The following APBB2 variants were observed in gnomAD, a reference collection of about 807,000 sequenced individuals.
APBB2 encodes Fe65-like 1.
In APBB2, 38 loss-of-function variants were observed where a neutral mutation model predicts 82.5. That is an observed-to-expected ratio of 0.46 (90% CI 0.36 to 0.60). The LOEUF (loss-of-function observed/expected upper bound fraction) is 0.60, where lower values mean the gene tolerates loss of function less well. Among genes scored for constraint, APBB2 ranks in the 20% least tolerant of loss-of-function variants. APBB2 has a pLI of 0.00. For missense variants in APBB2, 772 were observed against 972.3 expected (o/e 0.79, Z 2.74); for synonymous variants, 341 against 368.2 (o/e 0.93, Z 0.85).
At chr4:41,144,080 T>C (rs1210797206) in intron 1 of APBB2, among the ~76,000 whole-genome samples, 1 of 152,234 alleles carries the variant, frequency 6.6e-6, no homozygotes, top group Non-Finnish European at 1.5e-5. Flanking sequence ...GATTAAGAAG[T>C]CTTCATTTGT....
chr4:41,111,195 A>C (rs769903132), intron 2 of APBB2, among the ~76,000 whole-genome samples: 3 of 152,218 alleles, frequency 2.0e-5, no homozygotes, highest in Non-Finnish European at 2.9e-5. Flanking sequence ...GGAAATATAG[A>C]TTAAGCTTTC....
intron 12 of APBB2, among the ~76,000 whole-genome samples, chr4:40,869,340 G>A (rs1764830674): frequency 6.6e-6 from 1 of 152,156 alleles, no homozygotes; most frequent in Admixed American, 6.5e-5. Context: ...CCAGCACTTT[G>A]GGAGGCTGAG....
rs750388623 is a variant in APBB2, at chr4:41,028,772, T to C, written c.19+4464A>G. Among the ~76,000 whole-genome samples the C allele has an allele frequency of 4.7e-4, 72 of 152,348 alleles. 1 individual carries two copies. Among genetic ancestry groups the C allele is most frequent in the Admixed American group, 1.6e-3 (25 of 15,306 alleles). On this transcript the variant is annotated intron_variant, in intron 5 of 17. Transcript: ENST00000508593. ...TGGATAAGCCAGGATCACTCTAATT[T>C]CATGACTTGCCCAGCTTCTCTCGAT...
chr4:41,213,496 T>C (rs1030997560), intron 1 of APBB2, among the ~76,000 whole-genome samples: 5 of 152,232 alleles, frequency 3.3e-5, no homozygotes, highest in African/African-American at 4.8e-5. Context: ...ACTCCACATA[T>C]GATTTATCCA....
rs543618972 is a variant in APBB2 at position 41,134,477 on chromosome 4, G to GC, written c.-261+8509dup. Among the ~76,000 whole-genome samples the GC allele has an allele frequency of 9.2e-4, 140 of 152,122 alleles. 3 individuals carry two copies. The East Asian group carries it at 0.02, about 22-fold the overall frequency. The stretch of plus-strand genomic sequence containing the variant: ...CGGGTGCCTGTAGTCCCAGCCCCCA[G>GC]CCCCCCACAAATAAAGAAAATATAT... On this transcript the variant is annotated intron_variant, in intron 2 of 17. Transcript: ENST00000508593.
chr4:41,184,123 G>A (rs114193397), intron 1 of APBB2, among the ~76,000 whole-genome samples: 2,888 of 152,092 alleles, frequency 0.019, 84 homozygotes, highest in African/African-American at 0.067. Context: ...GAGAATCTAA[G>A]GCCACCACTG....
chr4:41,088,552 G>C (rs979825540), intron 3 of APBB2, among the ~76,000 whole-genome samples: 8 of 152,216 alleles, frequency 5.3e-5, no homozygotes, highest in African/African-American at 1.9e-4. Context: ...ATGGAAACTA[G>C]CAAGGAAAGA....
chr4:40,934,551 C>G, intron 9 of APBB2, 35 bp from the exon 10 acceptor site: 1 of 1,612,564 alleles, frequency 6.2e-7, no homozygotes, highest in East Asian at 2.2e-5. Flanking sequence ...ACTTAGAATT[C>G]TATTGCAAAC....
intron 2 of APBB2, among the ~76,000 whole-genome samples, chr4:41,111,113 G>A (rs562337430): frequency 1.3e-5 from 2 of 152,308 alleles, no homozygotes; most frequent in East Asian, 1.9e-4. Flanking sequence ...GTGCTCCTAT[G>A]AGAATCTAAT....
At chr4:40,868,595 T>C (rs1431391374) in intron 12 of APBB2, among the ~76,000 whole-genome samples, 1 of 152,184 alleles carries the variant, frequency 6.6e-6, no homozygotes, top group East Asian at 1.9e-4. Flanking sequence ...GCACTGATGA[T>C]AAATTAACTG....
At chr4:40,987,544 G>T (rs1458764329) in intron 6 of APBB2, among the ~76,000 whole-genome samples, 1 of 151,960 alleles carries the variant, frequency 6.6e-6, no homozygotes, top group Admixed American at 6.6e-5. Flanking sequence ...CAATCCAATG[G>T]CTAACTCTTT....
intron 12 of APBB2, among the ~76,000 whole-genome samples, chr4:40,884,694 T>G (rs1769697837): frequency 6.6e-6 from 1 of 151,330 alleles, no homozygotes; most frequent in African/African-American, 2.5e-5. Flanking sequence ...GCCCAGGAAT[T>G]TGGAGGCTGC....
rs1444718534 is a variant in APBB2 at position 41,000,059 on chromosome 4, ATATGTGTGTATG to A, written c.835+13512_835+13523del. Among the ~76,000 whole-genome samples, 17 of 92,968 alleles carry A rather than the reference ATATGTGTGTATG, an allele frequency of 1.8e-4. 1 individual carries two copies. Among genetic ancestry groups the A allele is most frequent in the East Asian group, 4.7e-4 (1 of 2,136 alleles). The allele number at this position is 92,968 out of a possible 152,430, so 61.0% of individuals were successfully genotyped here. ...TGTGTGTGTGTATGTATATGTATAT[ATATGTGTGTATG>A]TGTGTGTGTGTGTGTGTGTGTGTGT... On this transcript the variant is annotated intron_variant, in intron 6 of 17. Coordinates refer to ENST00000508593, the MANE Select transcript of APBB2 (RefSeq NM_004307.2).
chr4:41,072,959 G>A (rs1327376562), intron 3 of APBB2, among the ~76,000 whole-genome samples: 1 of 151,562 alleles, frequency 6.6e-6, no homozygotes, highest in Admixed American at 6.6e-5. Flanking sequence ...GTATGATTGA[G>A]AACAAAAGGA....
intron 12 of APBB2, among the ~76,000 whole-genome samples, chr4:40,844,357 G>A (rs574391973): frequency 1.2e-4 from 19 of 152,334 alleles, no homozygotes; most frequent in African/African-American, 4.1e-4. Flanking sequence ...GGCATTATAA[G>A]CATGAAGTTA....
At chr4:41,015,026 T>G (rs971204789) in intron 5 of APBB2, among the ~76,000 whole-genome samples, 1 of 152,244 alleles carries the variant, frequency 6.6e-6, no homozygotes, top group African/African-American at 2.4e-5. Context: ...AGAAATGGCT[T>G]AATTTCTGAA....
intron 12 of APBB2, among the ~76,000 whole-genome samples, chr4:40,888,209 T>C (rs531249676): frequency 6.6e-6 from 1 of 152,252 alleles, no homozygotes; most frequent in Non-Finnish European, 1.5e-5. Context: ...CATATACGTA[T>C]GTGTTGTGGT....
intron 6 of APBB2, among the ~76,000 whole-genome samples, chr4:40,966,104 A>C (rs538940877): frequency 5.3e-5 from 8 of 152,356 alleles, no homozygotes; most frequent in African/African-American, 1.9e-4. Context: ...ATGCACAAAT[A>C]TGTGACTTAA....
intron 2 of APBB2, among the ~76,000 whole-genome samples, chr4:41,107,480 G>A (rs556412857): frequency 1.2e-4 from 19 of 152,138 alleles, no homozygotes; most frequent in Non-Finnish European, 2.6e-4. Flanking sequence ...AACTACCAAT[G>A]CAATCACTGA....
Sources: gnomAD v4.1 joint callset for allele counts (sites outside exome capture counted in the v4.1 genomes callset) on GRCh38, gnomAD v4.1.1 for gene constraint, MANE v1.5 for transcripts, NCBI Gene and HGNC (gene_info 2026-07-23, HGNC 2026-07-21) for gene names.